The following THSD7A variants were observed in gnomAD, a reference collection of about 807,000 sequenced individuals.
THSD7A encodes the protein thrombospondin type-1 domain-containing protein 7A.
Under a neutral mutation model 231.3 loss-of-function variants are expected in THSD7A, and 96 were observed. That is an observed-to-expected ratio of 0.41 (90% CI 0.35 to 0.49). The LOEUF is 0.49. Among genes scored for constraint, THSD7A ranks in the 20% least tolerant of loss-of-function variants. The pLI is 0.05. For missense variants in THSD7A, 2,290 were observed against 2,070.2 expected (o/e 1.11, Z -2.06); for synonymous variants, 940 against 743.3 (o/e 1.26, Z -4.30).
chr7:11,420,018 A>G (rs552284481), intron 16 of THSD7A, among the ~76,000 whole-genome samples: 27 of 152,336 alleles, frequency 1.8e-4, no homozygotes, highest in Non-Finnish European at 2.9e-4. Flanking sequence ...GCTTATTTGG[A>G]TAAACAAGTA....
intron 1 of THSD7A, among the ~76,000 whole-genome samples, chr7:11,670,765 C>A (rs1425271614): frequency 3.3e-5 from 5 of 152,098 alleles, no homozygotes; most frequent in Non-Finnish European, 7.3e-5. Flanking sequence ...AGATCTTTCA[C>A]CCCATTTTTT....
At chr7:11,466,131 T>C (rs946293262) in intron 9 of THSD7A, among the ~76,000 whole-genome samples, 1 of 152,176 alleles carries the variant, frequency 6.6e-6, no homozygotes, top group African/African-American at 2.4e-5. Flanking sequence ...CTTAAAGTGA[T>C]TTTAAAAAGA....
At chr7:11,387,197 C>CT (rs886095279) in intron 23 of THSD7A, among the ~76,000 whole-genome samples, 9 of 152,098 alleles carry the variant, frequency 5.9e-5, no homozygotes, top group African/African-American at 1.9e-4. Context: ...TATGCGGGCT[C>CT]TTTTTTTGTT....
chr7:11,578,283 TTTACATATG>T (rs1299697718), intron 4 of THSD7A, among the ~76,000 whole-genome samples: 1 of 152,222 alleles, frequency 6.6e-6, no homozygotes, highest in Non-Finnish European at 1.5e-5. Context: ...TAGGAAATGA[TTTACATATG>T]TTACATATGT....
intron 1 of THSD7A, among the ~76,000 whole-genome samples, chr7:11,780,068 T>A (rs1291053967): frequency 2.0e-5 from 3 of 152,340 alleles, no homozygotes; most frequent in South Asian, 4.1e-4. Flanking sequence ...AGACTGCAGA[T>A]CTGATGTCTG....
At chr7:11,588,226 C>T (rs1779998135) in intron 4 of THSD7A, among the ~76,000 whole-genome samples, 1 of 152,142 alleles carries the variant, frequency 6.6e-6, no homozygotes, top group Non-Finnish European at 1.5e-5. Flanking sequence ...TATTTATAGA[C>T]TTCGCATGTC....
intron 1 of THSD7A, among the ~76,000 whole-genome samples, chr7:11,772,311 T>C (rs1435459866): frequency 6.6e-6 from 1 of 152,102 alleles, no homozygotes; most frequent in Non-Finnish European, 1.5e-5. Context: ...GAAAGCAGCA[T>C]GGAGATCTCT....
chr7:11,760,232 G>A (rs571674618), intron 1 of THSD7A, among the ~76,000 whole-genome samples: 1 of 152,180 alleles, frequency 6.6e-6, no homozygotes, highest in African/African-American at 2.4e-5. Flanking sequence ...ATATTTGGGA[G>A]ATTTAGATGG....
chr7:11,519,601 G>A (rs2189321), intron 6 of THSD7A, among the ~76,000 whole-genome samples: 24,543 of 152,034 alleles, frequency 0.16, 2,322 homozygotes, highest in African/African-American at 0.27. Context: ...GTGTGTAGAG[G>A]TGTATCATTT....
chr7:11,738,470 A>T (rs1781992391), intron 1 of THSD7A, among the ~76,000 whole-genome samples: 1 of 152,054 alleles, frequency 6.6e-6, no homozygotes, highest in African/African-American at 2.4e-5. Context: ...TAGTGCTAGC[A>T]ATACTTTACT....
At chr7:11,542,151 C>G (rs1789178246) in intron 5 of THSD7A, among the ~76,000 whole-genome samples, 2 of 152,166 alleles carry the variant, frequency 1.3e-5, no homozygotes, top group African/African-American at 2.4e-5. Flanking sequence ...CTTTGAGGTT[C>G]AGTTGATTTT....
At chr7:11,519,156 G>A (rs904756501) in intron 6 of THSD7A, among the ~76,000 whole-genome samples, 37 of 148,544 alleles carry the variant, frequency 2.5e-4, no homozygotes, top group South Asian at 1.9e-3. Context: ...AGACAGTAAT[G>A]TTCTAAAAAA....
intron 1 of THSD7A, among the ~76,000 whole-genome samples, chr7:11,643,434 A>G (rs2128364567): frequency 6.6e-6 from 1 of 152,250 alleles, no homozygotes; most frequent in African/African-American, 2.4e-5. Context: ...AACTAAAGAT[A>G]ACTAATCCTA....
At chr7:11,520,550 T>C (rs1288392472) in intron 6 of THSD7A, among the ~76,000 whole-genome samples, 2 of 152,202 alleles carry the variant, frequency 1.3e-5, no homozygotes, top group Non-Finnish European at 1.5e-5. Context: ...TATCTTTGCA[T>C]ATGCCACAGT....
Position 11,544,042 on chromosome 7 carries a change from T to A in THSD7A, c.1454-925A>T, listed in dbSNP as rs1037226530. The stretch of plus-strand genomic sequence containing the variant: ...CCTGATGCCATATTTGCTTTTGTTT[T>A]AAAAAAAAATCTAATACATGGCCAG... On this transcript the variant is annotated intron_variant, in intron 4 of 27. Transcript: ENST00000423059. 4.6e-5 allele frequency among the ~76,000 whole-genome samples: 7 copies of A among 151,924 alleles called. No homozygotes were observed. The East Asian group carries it at 5.8e-4, about 13-fold the overall frequency.
chr7:11,752,764 TA>T (rs1782543527), intron 1 of THSD7A, among the ~76,000 whole-genome samples: 1 of 151,710 alleles, frequency 6.6e-6, no homozygotes. Context: ...AAAAATAAAT[TA>T]AAAAAATTCT....
intron 1 of THSD7A, among the ~76,000 whole-genome samples, chr7:11,711,348 G>A (rs997363300): frequency 5.3e-5 from 8 of 150,920 alleles, no homozygotes; most frequent in Admixed American, 4.0e-4. Flanking sequence ...AGGCTCTGCC[G>A]ATTATTTGTT....
At chr7:11,490,265 C>T (rs1786833295) in intron 6 of THSD7A, among the ~76,000 whole-genome samples, 1 of 152,022 alleles carries the variant, frequency 6.6e-6, no homozygotes, top group African/African-American at 2.4e-5. Flanking sequence ...AATAACATGA[C>T]CTTTAAATAC....
chr7:11,432,604 G>A (rs1244251961), intron 13 of THSD7A, among the ~76,000 whole-genome samples: 1 of 152,054 alleles, frequency 6.6e-6, no homozygotes, highest in Non-Finnish European at 1.5e-5. Context: ...ACTCTACATT[G>A]TGATATGCGT....
Sources: allele counts gnomAD v4.1 joint callset (sites outside exome capture counted in the v4.1 genomes callset), GRCh38; gene constraint gnomAD v4.1.1; transcripts MANE v1.5; gene names NCBI Gene and HGNC (gene_info 2026-07-23, HGNC 2026-07-21).